The following TSPOAP1 variants were observed in gnomAD, a reference collection of about 807,000 sequenced individuals.
TSPOAP1 encodes TSPO associated protein 1.
Under a neutral mutation model 197.0 loss-of-function variants are expected in TSPOAP1, and 87 were observed. The ratio of observed to expected loss-of-function variants is 0.44; its 90% CI spans 0.37 to 0.53. The LOEUF (loss-of-function observed/expected upper bound fraction) is 0.53. TSPOAP1 is among the 20% of genes least tolerant of loss of function. The pLI, the probability that TSPOAP1 is intolerant of heterozygous loss-of-function variation, is 0.00. For synonymous variants in TSPOAP1, 913 were observed against 998.9 expected (o/e 0.91, Z 1.62); for missense variants, 2,174 against 2,411.3 (o/e 0.90, Z 2.06).
Position 58,309,225 on chromosome 17 carries a change from C to T in TSPOAP1, c.4047G>A (p.Gly1349=). ...CAGGGTCTCGGGAAGAACAGCCTGC[C>T]CCTGACTTCTCCTCCTCCTCGTCCT... The part of the protein sequence containing the change: ...EEEDEEEEKS[G]AGCSSRDPGP... Residue 1349 remains glycine, a synonymous_variant, in exon 22 of 32, where the codon GGG becomes GGA. Coordinates refer to ENST00000343736, the MANE Select transcript of TSPOAP1 (RefSeq NM_004758.4). The surrounding 1 kb of genome is among the most constrained non-coding windows in gnomAD (Gnocchi z 5.0). 6.2e-7 allele frequency: 1 copy of T among 1,614,042 alleles called. No homozygotes were observed. Among genetic ancestry groups the T allele is most frequent in the South Asian group, 1.1e-5 (1 of 91,080 alleles).
intron 14 of TSPOAP1, among the ~76,000 whole-genome samples, chr17:58,316,996 G>A (rs997399460): frequency 4.6e-5 from 7 of 152,208 alleles, no homozygotes; most frequent in African/African-American, 1.4e-4. Flanking sequence ...AGGAGTTTGA[G>A]ACCAGCGTGA....
Position 58,326,908 on chromosome 17 carries a change from C to T in TSPOAP1, c.334-118G>A. The T allele has an allele frequency of 1.2e-6, 1 of 833,222 alleles. No individual in the cohort carries two copies. The highest frequency in any genetic ancestry group is 1.6e-5 in the South Asian group (1 of 64,116). 51.6% of individuals were successfully genotyped at this position (833,222 alleles called of 1,614,324 possible). On this transcript the variant is annotated intron_variant, in intron 1 of 31. Coordinates refer to ENST00000343736, the MANE Select transcript of TSPOAP1 (RefSeq NM_004758.4). This position sits in a 1 kb window ranked among gnomAD's most constrained non-coding sequence, Gnocchi z 4.7. ...AGGAGACATGGAGATGAAACGGTTT[C>T]CCCTATGTCCCAGGCCTTCAGAGAG...
rs2143094767 is a variant in TSPOAP1 at position 58,319,174 on chromosome 17, G to A, written c.1615C>T (p.Leu539=). ...PGPLDLLTSA[L]DCGSLGDCPP... is the part of the protein sequence containing the mutation. ...CAGTCTCCAAGGCTCCCACAGTCCAGGGCAGATGTGAGCAGATCCAAGGGG... is the reference window on the plus strand; with the variant it reads ...CAGTCTCCAAGGCTCCCACAGTCCAAGGCAGATGTGAGCAGATCCAAGGGG... The change falls in exon 13 of 32, where the codon CTG becomes TTG. Residue 539 remains leucine (L), a synonymous_variant. Transcript: ENST00000343736. 2 of 1,571,492 alleles carry A rather than the reference G, an allele frequency of 1.3e-6. No individual in the cohort carries two copies. Among genetic ancestry groups the A allele is most frequent in the East Asian group, 2.4e-5 (1 of 42,152 alleles).
chr17:58,326,667 A>G lies in TSPOAP1; in HGVS notation c.441+16T>C, dbSNP rs1971621671. On this transcript the variant is annotated intron_variant, in intron 2 of 31. Coordinates refer to ENST00000343736, the MANE Select transcript of TSPOAP1 (RefSeq NM_004758.4). This position sits in a 1 kb window ranked among gnomAD's most constrained non-coding sequence, Gnocchi z 4.7. ...GGCTCCAGCCAGAACGCAGCACCCC[A>G]GTCTCCAAGCCTCACCAGCATCTGG... is the stretch of plus-strand genomic sequence containing the variant. 1 of 1,612,900 alleles carries G rather than the reference A, an allele frequency of 6.2e-7. No individual in the cohort carries two copies. The highest frequency in any genetic ancestry group is 8.5e-7 in the Non-Finnish European group (1 of 1,179,088).
chr17:58,327,437 G>T, intron 1 of TSPOAP1, 151 bp downstream of exon 1: 1 of 711,744 alleles, frequency 1.4e-6, no homozygotes, highest in Non-Finnish European at 2.3e-6. Context: ...ATGAAGAGAG[G>T]ACAGATAGCC....
chr17:58,311,378 A>G (rs1598063086), intron 18 of TSPOAP1, 165 bp from the exon 19 acceptor site: 3 of 1,250,224 alleles, frequency 2.4e-6, no homozygotes, highest in East Asian at 5.1e-5. Context: ...CCTCCTGGCC[A>G]TATGGCTTCA....
rs778949258 is a variant in TSPOAP1, at chr17:58,311,736, G to A, written c.2930-14C>T. 3.9e-6 allele frequency: 6 copies of A among 1,548,562 alleles called. No homozygotes were observed. The highest frequency in any genetic ancestry group is 5.2e-6 in the Non-Finnish European group (6 of 1,145,208). On this transcript the variant is annotated splice_polypyrimidine_tract_variant and intron_variant, in intron 17 of 31. Transcript: ENST00000343736. ...CATCAGGTGGGCCTGGGGGCAGGGG[G>A]GCACAAGACCCAGTGATGCAGGACG...
Position 58,326,767 on chromosome 17 carries a change from C to T in TSPOAP1, c.357G>A (p.Gly119=), listed in dbSNP as rs1176605225. 6.2e-7 allele frequency: 1 copy of T among 1,614,058 alleles called. No individual in the cohort carries two copies. The highest frequency in any genetic ancestry group is 8.5e-7 in the Non-Finnish European group (1 of 1,180,008). ...FLKAKLNMSF[G]DRPNLELLRA... ...TCAGCAGCTCCAGATTGGGCCTGTC[C>T]CCAAAGCTCATATTCAGCTTGGCCT... The change falls in exon 2 of 32, where the codon GGG becomes GGA. Residue 119 remains glycine, a synonymous_variant. Coordinates refer to ENST00000343736, the MANE Select transcript of TSPOAP1 (RefSeq NM_004758.4). This position sits in a 1 kb window ranked among gnomAD's most constrained non-coding sequence, Gnocchi z 4.7.
rs565933065 is a variant in TSPOAP1 at position 58,323,372 on chromosome 17, G to T, written c.1030C>A (p.Leu344Ile). The change falls in exon 7 of 32, where the codon CTC becomes ATC. Residue 344 changes from leucine to isoleucine, a missense_variant. Physicochemically the swap from Leu to Ile is conservative, Grantham distance 5. Around this residue, in one of 5 missense-constraint regions of TSPOAP1, gnomAD observed 1,933 missense variants for 2,139.0 expected, o/e 0.90. Transcript: ENST00000343736. Reference sequence around the variant, plus strand: ...TCGCATTTCTTCCGCTTCTTGCTGAGCTCCGATTCCTGAGGGGTCAGAACC... The same window carrying T: ...TCGCATTTCTTCCGCTTCTTGCTGATCTCCGATTCCTGAGGGGTCAGAACC... The part of the protein sequence containing the change: ...EQRVQQLESE[L>I]SKKRKKCESL... The T allele has an allele frequency of 1.2e-6, 2 of 1,614,236 alleles. No individual in the cohort carries two copies. The highest frequency in any genetic ancestry group is 2.7e-5 in the African/African-American group (2 of 75,054).
chr17:58,307,085 A>G (rs1970921161), intron 24 of TSPOAP1, 117 bp from the exon 25 acceptor site: 10 of 1,128,768 alleles, frequency 8.9e-6, no homozygotes, highest in Non-Finnish European at 1.3e-6. Flanking sequence ...TTTGTATGCC[A>G]TGAAATGGGA....
In TSPOAP1 at chr17:58,308,421, C is replaced by T. The variant is rs1021509855; in HGVS notation, c.4731+120G>A. 6 of 1,429,222 alleles carry T rather than the reference C, an allele frequency of 4.2e-6. No homozygotes were observed. The Admixed American group carries it at 1.4e-4, about 34-fold the overall frequency. The allele number at this position is 1,429,222 out of a possible 1,614,324, so 88.5% of individuals were successfully genotyped here. A position where few individuals can be genotyped will look rare whatever the true frequency, so the allele number is the denominator to read the frequency against. On this transcript the variant is annotated intron_variant, in intron 22 of 31. Coordinates refer to ENST00000343736, the MANE Select transcript of TSPOAP1 (RefSeq NM_004758.4). Reference sequence around the variant, plus strand: ...GAGGCAGGTGAGGGAGCCCGGAGGCCCGGCCCCACCTCTGCTGATGGAGGC... The same window carrying T: ...GAGGCAGGTGAGGGAGCCCGGAGGCTCGGCCCCACCTCTGCTGATGGAGGC...
chr17:58,308,839 C>A lies in TSPOAP1; in HGVS notation c.4433G>T (p.Arg1478Leu). Residue 1478 changes from arginine (R) to leucine (L), a missense_variant, in exon 22 of 32, where the codon CGT (arginine) becomes CTT (leucine). This residue lies in a region of TSPOAP1 where 1,933 missense variants were observed against 2,139.0 expected (regional missense o/e 0.90). Transcript: ENST00000343736. The stretch of plus-strand genomic sequence containing the variant: ...CAGGCCAGGCTCCAGCGCCCGGCCA[C>A]GGGAGCACCTCCGGGAAGGGCCCAG... Reference protein sequence around the residue: ...GRLGPSRRCSRGRALEPGLAS... With the variant: ...GRLGPSRRCSLGRALEPGLAS... 6.2e-7 allele frequency: 1 copy of A among 1,611,328 alleles called. No homozygotes were observed. The highest frequency in any genetic ancestry group is 8.5e-7 in the Non-Finnish European group (1 of 1,178,928).
In TSPOAP1 at chr17:58,309,578, A is replaced by T. The variant is rs16942929; in HGVS notation, c.3892-198T>A. On this transcript the variant is annotated intron_variant, in intron 21 of 31. Coordinates refer to ENST00000343736, the MANE Select transcript of TSPOAP1 (RefSeq NM_004758.4). This position sits in a 1 kb window ranked among gnomAD's most constrained non-coding sequence, Gnocchi z 5.0. Reference sequence around the variant, plus strand: ...CAAATTCACACACATATCCAGTGAGAGCCAAAGGAAGAATTAGGGAACACA... The same window carrying T: ...CAAATTCACACACATATCCAGTGAGTGCCAAAGGAAGAATTAGGGAACACA... Among the ~76,000 whole-genome samples, 4,056 of 152,030 alleles carry T rather than the reference A, an allele frequency of 0.027. 183 individuals are homozygous for T. Among genetic ancestry groups the T allele is most frequent in the African/African-American group, 0.093 (3,851 of 41,424 alleles).
intron 24 of TSPOAP1, 24 bp from the exon 25 acceptor site, chr17:58,306,992 A>G (rs1378691427): frequency 1.2e-6 from 2 of 1,607,072 alleles, no homozygotes; most frequent in South Asian, 2.2e-5. Flanking sequence ...CAGTGGTCTC[A>G]GCCAGTTCTG....
At position 58,327,924 on chromosome 17, in the gene TSPOAP1, A is replaced by G; in HGVS notation, c.-4T>C. On this transcript the variant is annotated 5_prime_UTR_variant, in exon 1 of 32. Transcript: ENST00000343736. ...GGAGGGTTGTCAGTTGCTCCATGGT[A>G]CTGCCAAGGGGCCCCAGAACCCGGG... 1.3e-6 allele frequency: 2 copies of G among 1,590,066 alleles called. No individual in the cohort carries two copies. Among genetic ancestry groups the G allele is most frequent in the African/African-American group, 2.7e-5 (2 of 74,560 alleles).
chr17:58,304,032 G>C lies in TSPOAP1; in HGVS notation c.*32+306C>G, dbSNP rs917233063. The C allele has an allele frequency of 3.1e-6, 1 of 317,520 alleles. No individual in the cohort carries two copies. The allele number at this position is 317,520 out of a possible 1,614,324, so 19.7% of individuals were successfully genotyped here. A position where few individuals can be genotyped will look rare whatever the true frequency, so the allele number is the denominator to read the frequency against. ...TGATGAGTCCTAATATGGATGTCAC[G>C]TCATGTTCTATAAACCACATGTGTT... On this transcript the variant is annotated intron_variant, in intron 31 of 31. Coordinates refer to ENST00000343736, the MANE Select transcript of TSPOAP1 (RefSeq NM_004758.4). The surrounding 1 kb of genome is among the most constrained non-coding windows in gnomAD (Gnocchi z 4.2).
At chr17:58,320,875 C>T (rs1479007715) in intron 10 of TSPOAP1, among the ~76,000 whole-genome samples, 1 of 152,060 alleles carries the variant, frequency 6.6e-6, no homozygotes, top group Admixed American at 6.5e-5. Context: ...AGTTTCCCCC[C>T]TACCTCTCTG....
At chr17:58,310,449 GC>G (rs1971044561) in intron 20 of TSPOAP1, 62 bp downstream of exon 20, 1 of 1,586,798 alleles carries the variant, frequency 6.3e-7, no homozygotes, top group African/African-American at 1.3e-5. Context: ...ATTTGCGCTG[GC>G]AAAAGGTAGG....
rs1483966391 is a variant in TSPOAP1, at chr17:58,316,770, C to G, written c.1873-230G>C. ...CCTGGGCAGGGGCAGTGGGGATAAC[C>G]CAGACCCCTCCCTGAGCCTCTACTG... On this transcript the variant is annotated intron_variant, in intron 14 of 31. Transcript: ENST00000343736. Among the ~76,000 whole-genome samples the G allele has an allele frequency of 2.0e-5, 3 of 152,244 alleles. No individual in the cohort carries two copies. The South Asian group carries it at 6.2e-4, about 32-fold the overall frequency.
Sources: gnomAD v4.1 joint callset for allele counts (sites outside exome capture counted in the v4.1 genomes callset) on GRCh38, gnomAD v4.1.1 for gene constraint, gnomAD v4.1.1 regional missense constraint, Gnocchi (gnomAD v3.1) non-coding constraint, MANE v1.5 for transcripts, NCBI Gene and HGNC (gene_info 2026-07-23, HGNC 2026-07-21) for gene names.